Variants in CPNE4 observed in about 807,000 individuals in gnomAD.
The protein encoded by CPNE4 is copine 4.
CPNE4 carries 25 observed loss-of-function variants against 67.9 expected under a neutral mutation model. The ratio of observed to expected loss-of-function variants is 0.37; its 90% CI spans 0.27 to 0.51. The LOEUF (loss-of-function observed/expected upper bound fraction) is 0.51. Among genes scored for constraint, CPNE4 ranks in the 20% least tolerant of loss-of-function variants. CPNE4 has a pLI of 0.93. For synonymous variants in CPNE4, 242 were observed against 244.9 expected, an observed-to-expected ratio of 0.99 and a Z score of 0.11; for missense variants, 464 against 690.8, an observed-to-expected ratio of 0.67 and a Z score of 3.68.
At chr3:131,685,815 A>G in intron 6 of CPNE4, 60 bp downstream of exon 6, 1 of 1,155,750 alleles carries the variant, frequency 8.7e-7, no homozygotes, top group Non-Finnish European at 1.3e-6. Flanking sequence ...AGTTTCTCAA[A>G]ATAGGTCAAT....
intron 7 of CPNE4, among the ~76,000 whole-genome samples, chr3:131,601,775 C>T (rs1939220470): frequency 6.6e-6 from 1 of 151,972 alleles, no homozygotes; most frequent in Non-Finnish European, 1.5e-5. Context: ...GATTACATGC[C>T]CCAGAGATGG....
At chr3:131,826,701 A>G (rs1380356147) in intron 2 of CPNE4, among the ~76,000 whole-genome samples, 4 of 152,136 alleles carry the variant, frequency 2.6e-5, no homozygotes, top group Non-Finnish European at 5.9e-5. Context: ...TTACCCTCAG[A>G]AATCCTCTTA....
chr3:132,025,283 T>C (rs2074094243), intron 1 of CPNE4, among the ~76,000 whole-genome samples: 1 of 152,194 alleles, frequency 6.6e-6, no homozygotes, highest in South Asian at 2.1e-4. Flanking sequence ...CTGCTGGTCT[T>C]GTAGGGTGGA....
intron 6 of CPNE4, among the ~76,000 whole-genome samples, chr3:131,684,756 A>G (rs187018972): frequency 2.6e-5 from 4 of 152,346 alleles, no homozygotes; most frequent in Admixed American, 1.3e-4. Context: ...GCACAAGAAT[A>G]TCACTTCCTT....
At chr3:131,924,510 C>G (rs2070839286) in intron 1 of CPNE4, among the ~76,000 whole-genome samples, 1 of 152,060 alleles carries the variant, frequency 6.6e-6, no homozygotes, top group African/African-American at 2.4e-5. Flanking sequence ...AACTTTGCTG[C>G]ACCCAGGAAT....
intron 3 of CPNE4, among the ~76,000 whole-genome samples, chr3:131,706,123 G>A (rs2107713061): frequency 6.6e-6 from 1 of 152,314 alleles, no homozygotes; most frequent in East Asian, 1.9e-4. Flanking sequence ...GTTGTGAGTT[G>A]TCTTCAGTGA....
chr3:131,623,684 G>A (rs139007600), intron 7 of CPNE4, among the ~76,000 whole-genome samples: 52 of 152,298 alleles, frequency 3.4e-4, no homozygotes, highest in Admixed American at 9.1e-4. Context: ...GCAGCATAGC[G>A]GTCACAACTG....
chr3:131,811,297 T>A (rs755770041), intron 2 of CPNE4, among the ~76,000 whole-genome samples: 16 of 152,140 alleles, frequency 1.1e-4, no homozygotes, highest in Non-Finnish European at 2.2e-4. Flanking sequence ...TCTATGGGTA[T>A]ATACTTCTCA....
chr3:131,703,258 CA>C (rs1486433173), intron 3 of CPNE4, among the ~76,000 whole-genome samples: 2 of 152,202 alleles, frequency 1.3e-5, no homozygotes, highest in Non-Finnish European at 2.9e-5. Flanking sequence ...TTGAGGCCAA[CA>C]AATAGCAAAT....
At position 131,634,699 on chromosome 3, in the gene CPNE4, G is replaced by T. The variant is rs138855080; in HGVS notation, c.681+34976C>A. ...AACTGGAAAGGAGATGAGAGGATAA[G>T]AAGGTAAAAATTGAAGCAATGTTCT... On this transcript the variant is annotated intron_variant, in intron 7 of 15. Coordinates refer to ENST00000429747, the MANE Select transcript of CPNE4 (RefSeq NM_130808.3). Among the ~76,000 whole-genome samples, 250 of 152,232 alleles carry T rather than the reference G, an allele frequency of 1.6e-3. 1 individual carries two copies. The highest frequency in any genetic ancestry group is 2.8e-3 in the Non-Finnish European group (191 of 67,972).
At chr3:131,621,483 C>A (rs1940460762) in intron 7 of CPNE4, among the ~76,000 whole-genome samples, 1 of 152,018 alleles carries the variant, frequency 6.6e-6, no homozygotes, top group Non-Finnish European at 1.5e-5. Context: ...TGGCCTCAAG[C>A]AATCCTCCTG....
chr3:131,632,842 G>T (rs1337266827), intron 7 of CPNE4, among the ~76,000 whole-genome samples: 1 of 152,082 alleles, frequency 6.6e-6, no homozygotes, highest in African/African-American at 2.4e-5. Flanking sequence ...GGACTATCCT[G>T]AACATTACAA....
At position 132,021,299 on chromosome 3, in the gene CPNE4, T is replaced by C. The variant is rs1163121616; in HGVS notation, c.-2+13268A>G. On this transcript the variant is annotated intron_variant, in intron 1 of 15. Coordinates refer to ENST00000429747, the MANE Select transcript of CPNE4 (RefSeq NM_130808.3). ...TATAATCATTCATGCCACAAGTACT[T>C]ACTGTGTGCAAGATCCTCACAATGC... is the stretch of plus-strand genomic sequence containing the variant. Among the ~76,000 whole-genome samples, 3 of 152,206 alleles carry C rather than the reference T, an allele frequency of 2.0e-5. No homozygotes were observed. In the East Asian group the frequency reaches 5.8e-4, roughly 29 times the overall value.
intron 2 of CPNE4, among the ~76,000 whole-genome samples, chr3:131,768,903 A>G (rs78883539): frequency 2.0e-5 from 3 of 152,152 alleles, no homozygotes; most frequent in African/African-American, 7.2e-5. Flanking sequence ...AGTTCTTTGC[A>G]TCTTATATAT....
chr3:131,684,845 G>C (rs2080848707), intron 6 of CPNE4, among the ~76,000 whole-genome samples: 1 of 152,144 alleles, frequency 6.6e-6, no homozygotes, highest in South Asian at 2.1e-4. Context: ...TGGAGATCGT[G>C]GTTAGTTGTT....
intron 6 of CPNE4, among the ~76,000 whole-genome samples, chr3:131,679,409 T>G (rs2080676623): frequency 6.6e-6 from 1 of 152,134 alleles, no homozygotes; most frequent in Non-Finnish European, 1.5e-5. Context: ...TTGAATGGTT[T>G]TTTGTCTCTC....
intron 7 of CPNE4, among the ~76,000 whole-genome samples, chr3:131,594,460 C>A (rs1452139190): frequency 2.0e-5 from 3 of 152,144 alleles, no homozygotes. Context: ...AATAATAGCT[C>A]TTCAACAAAT....
intron 10 of CPNE4, among the ~76,000 whole-genome samples, chr3:131,567,674 TG>T (rs1189562324): frequency 3.3e-5 from 5 of 151,930 alleles, no homozygotes; most frequent in Admixed American, 2.6e-4. Context: ...GCAAAGATGA[TG>T]GTGAGAAGGA....
intron 2 of CPNE4, among the ~76,000 whole-genome samples, chr3:131,884,602 C>T (rs2054320): frequency 0.29 from 43,769 of 151,958 alleles, 7,359 homozygotes; most frequent in Non-Finnish European, 0.37. Context: ...TATGGTTTGG[C>T]TCTGTGTCCC....
Sources: gnomAD v4.1 joint callset for allele counts (sites outside exome capture counted in the v4.1 genomes callset) on GRCh38, gnomAD v4.1.1 for gene constraint, MANE v1.5 for transcripts, NCBI Gene and HGNC (gene_info 2026-07-23, HGNC 2026-07-21) for gene names.